The following ZBTB20 variants were observed in gnomAD, a reference collection of about 807,000 sequenced individuals.
ZBTB20 encodes zinc finger and BTB domain containing 20.
ZBTB20 carries 9 observed loss-of-function variants against 56.9 expected under a neutral mutation model. The observed-to-expected ratio is 0.16, with a 90% confidence interval of 0.10 to 0.28. ZBTB20 has a LOEUF of 0.28. ZBTB20 is among the 10% of genes least tolerant of loss of function. The pLI is 1.00. For missense variants in ZBTB20, 655 were observed against 1,003.0 expected (o/e 0.65, Z 4.69); for synonymous variants, 417 against 420.7 (o/e 0.99, Z 0.11).
chr3:115,147,053 C>T (rs911560984), intron 1 of ZBTB20, among the ~76,000 whole-genome samples, 166 bp downstream of exon 1: 29 of 149,352 alleles, frequency 1.9e-4, no homozygotes, highest in Admixed American at 7.3e-4. Flanking sequence ...GGCCCGCTGG[C>T]TCGCCGCTCT....
chr3:114,473,078 C>T (rs2040327235), intron 7 of ZBTB20, among the ~76,000 whole-genome samples: 3 of 152,144 alleles, frequency 2.0e-5, no homozygotes. Flanking sequence ...CAAGAATAGC[C>T]AGAGCACTGA....
chr3:114,377,468 C>T lies in ZBTB20; in HGVS notation c.199+2749G>A, dbSNP rs187504335. Among the ~76,000 whole-genome samples the T allele has an allele frequency of 7.9e-4, 121 of 152,282 alleles. 1 individual carries two copies. The highest frequency in any genetic ancestry group is 9.6e-4 in the East Asian group (5 of 5,188). On this transcript the variant is annotated intron_variant, in intron 10 of 11. Transcript: ENST00000675478. Reference sequence around the variant, plus strand: ...ACAGCCAACTGAGAATTTAGGGGGTCAGACTTGTCATCTTTGCTGTAAAAC... The same window carrying T: ...ACAGCCAACTGAGAATTTAGGGGGTTAGACTTGTCATCTTTGCTGTAAAAC...
At chr3:115,114,411 A>G (rs2083963073) in intron 1 of ZBTB20, among the ~76,000 whole-genome samples, 1 of 152,112 alleles carries the variant, frequency 6.6e-6, no homozygotes, top group African/African-American at 2.4e-5. Context: ...AAAATAATCA[A>G]TTTTCAATAT....
At chr3:114,966,931 A>G (rs917314748) in intron 3 of ZBTB20, among the ~76,000 whole-genome samples, 26 of 152,314 alleles carry the variant, frequency 1.7e-4, no homozygotes, top group South Asian at 6.2e-4. Flanking sequence ...TATCTATTCT[A>G]TAAGAAAAGA....
intron 6 of ZBTB20, among the ~76,000 whole-genome samples, chr3:114,617,975 C>G (rs868573882): frequency 6.6e-6 from 1 of 152,024 alleles, no homozygotes; most frequent in Non-Finnish European, 1.5e-5. Context: ...TAAATTTTCT[C>G]CATAGCACTT....
At chr3:115,145,334 T>A (rs2084931427) in intron 1 of ZBTB20, among the ~76,000 whole-genome samples, 1 of 152,202 alleles carries the variant, frequency 6.6e-6, no homozygotes, top group Non-Finnish European at 1.5e-5. Flanking sequence ...CTGGACAAAC[T>A]TACAGTTGAC....
intron 2 of ZBTB20, among the ~76,000 whole-genome samples, chr3:115,056,141 A>G (rs906314685): frequency 2.6e-5 from 4 of 152,150 alleles, no homozygotes; most frequent in Non-Finnish European, 5.9e-5. Flanking sequence ...AGTGTGTAAA[A>G]CATTTTTTAC....
At chr3:114,777,625 G>A (rs1254408021) in intron 5 of ZBTB20, among the ~76,000 whole-genome samples, 2 of 152,152 alleles carry the variant, frequency 1.3e-5, no homozygotes, top group Non-Finnish European at 2.9e-5. Flanking sequence ...GGATAAATAG[G>A]AACACTTTTA....
chr3:115,058,164 C>G (rs964545192), intron 2 of ZBTB20, among the ~76,000 whole-genome samples: 1 of 152,036 alleles, frequency 6.6e-6, no homozygotes, highest in East Asian at 1.9e-4. Flanking sequence ...CTACAATTCC[C>G]GATGAGATTT....
chr3:114,910,929 T>C (rs2075510248), intron 3 of ZBTB20, among the ~76,000 whole-genome samples: 1 of 152,060 alleles, frequency 6.6e-6, no homozygotes, highest in Non-Finnish European at 1.5e-5. Context: ...CAAGTGTTGT[T>C]TTCTTCACGT....
chr3:114,877,106 C>T (rs2076227662), intron 4 of ZBTB20, among the ~76,000 whole-genome samples: 1 of 152,116 alleles, frequency 6.6e-6, no homozygotes, highest in South Asian at 2.1e-4. Context: ...TAGGCATTTA[C>T]TATATAATTG....
intron 6 of ZBTB20, among the ~76,000 whole-genome samples, chr3:114,545,195 C>T (rs536151310): frequency 5.7e-4 from 87 of 152,130 alleles, no homozygotes; most frequent in Non-Finnish European, 1.1e-3. Context: ...CTGAATGCTT[C>T]CAAATACCAG....
chr3:114,980,827 T>C (rs1200921653), intron 2 of ZBTB20, among the ~76,000 whole-genome samples: 1 of 152,042 alleles, frequency 6.6e-6, no homozygotes, highest in Non-Finnish European at 1.5e-5. Flanking sequence ...GAAAGATTGC[T>C]GCTTGATGCA....
At chr3:114,734,667 G>C (rs914778487) in intron 5 of ZBTB20, among the ~76,000 whole-genome samples, 1 of 152,104 alleles carries the variant, frequency 6.6e-6, no homozygotes, top group Non-Finnish European at 1.5e-5. Context: ...AATGTGAGCT[G>C]TACATGCATT....
intron 6 of ZBTB20, among the ~76,000 whole-genome samples, chr3:114,551,934 T>C (rs372629172): frequency 1.3e-5 from 2 of 152,214 alleles, no homozygotes; most frequent in East Asian, 1.9e-4. Context: ...GCTAAAAATA[T>C]AGTGGCGGCT....
intron 7 of ZBTB20, among the ~76,000 whole-genome samples, chr3:114,434,812 T>C (rs1361285057): frequency 6.6e-6 from 1 of 152,060 alleles, no homozygotes; most frequent in African/African-American, 2.4e-5. Context: ...TTAATCTCTG[T>C]GAAAACCGAG....
At chr3:114,606,346 T>G (rs997444847) in intron 6 of ZBTB20, among the ~76,000 whole-genome samples, 4 of 152,114 alleles carry the variant, frequency 2.6e-5, no homozygotes, top group Non-Finnish European at 5.9e-5. Context: ...AAGCAGCACC[T>G]CTCCTGCTGA....
At chr3:114,776,131 G>A (rs1437753962) in intron 5 of ZBTB20, among the ~76,000 whole-genome samples, 1 of 151,022 alleles carries the variant, frequency 6.6e-6, no homozygotes. Flanking sequence ...AGTGCTAGCG[G>A]AAAGGAGAAG....
At chr3:115,111,865 G>A (rs1369681216) in intron 1 of ZBTB20, among the ~76,000 whole-genome samples, 1 of 152,098 alleles carries the variant, frequency 6.6e-6, no homozygotes, top group African/African-American at 2.4e-5. Context: ...TAAATACAGT[G>A]TGTATTCCCT....
Sources: allele counts gnomAD v4.1 joint callset (sites outside exome capture counted in the v4.1 genomes callset), GRCh38; gene constraint gnomAD v4.1.1; transcripts MANE v1.5; gene names NCBI Gene and HGNC (gene_info 2026-07-23, HGNC 2026-07-21).